BOD1L1: variants seen among roughly 807,000 people sequenced by gnomAD.
The protein encoded by BOD1L1 is biorientation of chromosomes in cell division 1 like 1.
Under a neutral mutation model 240.7 loss-of-function variants are expected in BOD1L1, and 86 were observed. That is an observed-to-expected ratio of 0.36 (90% CI 0.30 to 0.43). The LOEUF (loss-of-function observed/expected upper bound fraction) is 0.43. BOD1L1 is among the 20% of genes least tolerant of loss of function. BOD1L1 has a pLI of 1.00. For synonymous variants in BOD1L1, 1,268 were observed against 1,272.3 expected (o/e 1.00, Z 0.07); for missense variants, 3,554 against 3,643.5 (o/e 0.98, Z 0.63).
intron 19 of BOD1L1, 110 bp from the exon 20 acceptor site, chr4:13,581,317 A>G: frequency 1.4e-6 from 1 of 722,464 alleles, no homozygotes; most frequent in Middle Eastern, 4.0e-4. Flanking sequence ...AGAGACCTCA[A>G]ATCCTAGCTT....
intron 25 of BOD1L1, 118 bp from the exon 26 acceptor site, chr4:13,570,246 A>G: frequency 3.0e-6 from 2 of 666,910 alleles, no homozygotes; most frequent in Non-Finnish European, 4.7e-6. Context: ...AGAAAAACCC[A>G]GTAACATTTA....
intron 8 of BOD1L1, among the ~76,000 whole-genome samples, 174 bp from the exon 9 acceptor site, chr4:13,607,363 A>C (rs996628211): frequency 1.3e-5 from 2 of 152,134 alleles, no homozygotes; most frequent in Non-Finnish European, 2.9e-5. Flanking sequence ...GCAATCACGC[A>C]ATCTTGGCTT....
Position 13,601,602 on chromosome 4 carries a change from A to T in BOD1L1, c.5298T>A (p.Asp1766Glu). 1 of 1,613,958 alleles carries T rather than the reference A, an allele frequency of 6.2e-7. No homozygotes were observed. The highest frequency in any genetic ancestry group is 8.5e-7 in the Non-Finnish European group (1 of 1,179,896). The change falls in exon 10 of 26, where the codon GAT (aspartate) becomes GAA (glutamate). Residue 1766 changes from aspartate (D) to glutamate (E), a missense_variant. By Grantham distance (45) the Asp-to-Glu change is conservative. Around this residue, in one of 2 missense-constraint regions of BOD1L1, gnomAD observed 3,393 missense variants for 3,427.1 expected, o/e 0.99. Coordinates refer to ENST00000040738, the MANE Select transcript of BOD1L1 (RefSeq NM_148894.3). ...TGAGVVLGDN[D>E]APPGTSASQE... ...GGCTGGCACTTGTTCCTGGTGGTGC[A>T]TCATTATCTCCCAGGACAACACCTG...
Position 13,603,816 on chromosome 4 carries a change from A to T in BOD1L1, c.3084T>A (p.Ser1028Arg), listed in dbSNP as rs770401286. 3 of 1,613,246 alleles carry T rather than the reference A, an allele frequency of 1.9e-6. No homozygotes were observed. The highest frequency in any genetic ancestry group is 2.2e-5 in the East Asian group (1 of 44,882). The change falls in exon 10 of 26, where the codon AGT becomes AGA. Residue 1028 changes from serine (S) to arginine (R), a missense_variant. By Grantham distance (110) the Ser-to-Arg change is moderately radical. This residue lies in a region of BOD1L1 where 3,393 missense variants were observed against 3,427.1 expected (regional missense o/e 0.99). Coordinates refer to ENST00000040738, the MANE Select transcript of BOD1L1 (RefSeq NM_148894.3). ...CGTCCTTCTTTTTTATGTCTTTACTACTATGCTTTAAGCTTCTGCTTTTGT... is the reference window on the plus strand; with the variant it reads ...CGTCCTTCTTTTTTATGTCTTTACTTCTATGCTTTAAGCTTCTGCTTTTGT... ...DGHKSRSLKH[S>R]SKDIKKKDEN...
chr4:13,573,554 C>T (rs369496210), intron 25 of BOD1L1, among the ~76,000 whole-genome samples: 48 of 151,906 alleles, frequency 3.2e-4, no homozygotes, highest in Non-Finnish European at 5.3e-4. Context: ...GAAAGAGCCT[C>T]GCTCTGTCAC....
chr4:13,601,366 G>A lies in BOD1L1; in HGVS notation c.5534C>T (p.Ala1845Val), dbSNP rs545261343. ...GCCTTCATCATCACAAGGACCAGCA[G>A]CAACTAATGGTACATTAGTGCCTTC... ...AKEGTNVPLV[A>V]AGPCDDEGIV... Residue 1845 changes from alanine (A) to valine (V), a missense_variant, in exon 10 of 26, where the codon GCT becomes GTT. By Grantham distance (64) the Ala-to-Val change is moderately conservative. Around this residue, in one of 2 missense-constraint regions of BOD1L1, gnomAD observed 3,393 missense variants for 3,427.1 expected, o/e 0.99. Coordinates refer to ENST00000040738, the MANE Select transcript of BOD1L1 (RefSeq NM_148894.3). 1.7e-5 allele frequency: 27 copies of A among 1,614,026 alleles called. No individual in the cohort carries two copies. The East Asian group carries it at 5.6e-4, about 33-fold the overall frequency.
chr4:13,579,836 G>C (rs1713079683), intron 22 of BOD1L1, 92 bp downstream of exon 22: 1 of 1,009,692 alleles, frequency 9.9e-7, no homozygotes, highest in African/African-American at 1.6e-5. Flanking sequence ...ACTTCAATGA[G>C]AGGCAGAATG....
At chr4:13,611,134 T>C in intron 5 of BOD1L1, 34 bp from the exon 6 acceptor site, 2 of 1,482,910 alleles carry the variant, frequency 1.3e-6, no homozygotes, top group Non-Finnish European at 1.8e-6. Context: ...GGAGTATGTC[T>C]GTGAATTAGC....
At position 13,599,019 on chromosome 4, in the gene BOD1L1, G is replaced by A; in HGVS notation, c.7881C>T (p.Ser2627=). 6.2e-7 allele frequency: 1 copy of A among 1,613,878 alleles called. No homozygotes were observed. Among genetic ancestry groups the A allele is most frequent in the South Asian group, 1.1e-5 (1 of 91,076 alleles). Residue 2627 remains serine (S), a synonymous_variant, in exon 10 of 26, where the codon AGC becomes AGT. Coordinates refer to ENST00000040738, the MANE Select transcript of BOD1L1 (RefSeq NM_148894.3). ...CTTCCTCAGGGAATGATTTCCTTGT[G>A]CTGTTATCATCTCCTGTTTTCTCAG... The part of the protein sequence containing the change: ...ASAEKTGDDN[S]TRKSFPEEGD...
chr4:13,580,020 A>G (rs1713097109), intron 21 of BOD1L1, 47 bp from the exon 22 acceptor site: 3 of 1,333,452 alleles, frequency 2.2e-6, no homozygotes, highest in Non-Finnish European at 3.2e-6. Flanking sequence ...TCAGCAGTTT[A>G]TAATCATCAC....
Position 13,576,955 on chromosome 4 carries a change from A to G in BOD1L1, c.8921T>C (p.Val2974Ala), listed in dbSNP as rs1231703363. The G allele has an allele frequency of 6.2e-7, 1 of 1,613,816 alleles. No individual in the cohort carries two copies. The highest frequency in any genetic ancestry group is 8.5e-7 in the Non-Finnish European group (1 of 1,179,882). ...TTTCTTGTCCTCCACTGGATCAGAA[A>G]CTGATTTCTGGCGTTTTCTTTCTGG... ...SEPERKRQKS[V>A]SDPVEDKKEQ... The change falls in exon 25 of 26, where the codon GTT (valine) becomes GCT (alanine). Residue 2974 changes from valine (V) to alanine (A), a missense_variant. By Grantham distance (64) the Val-to-Ala change is moderately conservative (BLOSUM62 0). Around this residue, in one of 2 missense-constraint regions of BOD1L1, gnomAD observed 3,393 missense variants for 3,427.1 expected, o/e 0.99. Transcript: ENST00000040738.
At position 13,584,428 on chromosome 4, in the gene BOD1L1, GAA is replaced by G. The variant is rs1334690250; in HGVS notation, c.8434-1694_8434-1693del. ...CATGTGTGCGTGTGTGGCGGGGAGA[GAA>G]AGAGAGAGAGAGTGTGTGTGTGTGT... On this transcript the variant is annotated intron_variant, in intron 17 of 25. Transcript: ENST00000040738. 2.0e-4 allele frequency among the ~76,000 whole-genome samples: 26 copies of G among 133,006 alleles called. No individual in the cohort carries two copies. The South Asian group carries it at 4.5e-3, about 23-fold the overall frequency. The allele number at this position is 133,006 out of a possible 152,430, so 87.3% of individuals were successfully genotyped here. A position where few individuals can be genotyped will look rare whatever the true frequency, so the allele number is the denominator to read the frequency against.
chr4:13,568,810 CTTACAT>C lies in BOD1L1; in HGVS notation c.*1195_*1200del, dbSNP rs1439200570. 1 of 151,604 alleles carries C rather than the reference CTTACAT, an allele frequency of 6.6e-6. No homozygotes were observed. The highest frequency in any genetic ancestry group is 1.5e-5 in the Non-Finnish European group (1 of 67,870). 9.4% of individuals were successfully genotyped at this position (151,604 alleles called of 1,614,324 possible). On this transcript the variant is annotated 3_prime_UTR_variant, in exon 26 of 26. Coordinates refer to ENST00000040738, the MANE Select transcript of BOD1L1 (RefSeq NM_148894.3). ...CATGTAAAATGACAGAAATATCCAC[CTTACAT>C]TAAGAGTCAAAATAAAAAAAAAAAC...
At chr4:13,587,267 A>C (rs1219991628) in intron 16 of BOD1L1, among the ~76,000 whole-genome samples, 1 of 152,180 alleles carries the variant, frequency 6.6e-6, no homozygotes, top group Non-Finnish European at 1.5e-5. Context: ...AATGTACAAG[A>C]CTTCTATCAC....
intron 14 of BOD1L1, 65 bp from the exon 15 acceptor site, chr4:13,588,857 GGT>G: frequency 8.1e-7 from 1 of 1,231,916 alleles, no homozygotes; most frequent in Non-Finnish European, 1.1e-6. Flanking sequence ...TACTTACTTA[GGT>G]ATGTGTTAGG....
At position 13,611,394 on chromosome 4, in the gene BOD1L1, A is replaced by G. The variant is rs188283344; in HGVS notation, c.1325-294T>C. On this transcript the variant is annotated intron_variant, in intron 5 of 25. Coordinates refer to ENST00000040738, the MANE Select transcript of BOD1L1 (RefSeq NM_148894.3). Reference sequence around the variant, plus strand: ...AGTTTTCTGGAGCAAAGAATGATTCATGACTCAGGCGTTGGAACCAGGAGA... The same window carrying G: ...AGTTTTCTGGAGCAAAGAATGATTCGTGACTCAGGCGTTGGAACCAGGAGA... Among the ~76,000 whole-genome samples the G allele has an allele frequency of 4.6e-5, 7 of 152,340 alleles. No individual in the cohort carries two copies. The East Asian group carries it at 1.3e-3, about 29-fold the overall frequency.
In BOD1L1 at chr4:13,603,642, T is replaced by C; in HGVS notation, c.3258A>G (p.Glu1086=). The C allele has an allele frequency of 6.2e-7, 1 of 1,613,918 alleles. No homozygotes were observed. The highest frequency in any genetic ancestry group is 1.1e-5 in the South Asian group (1 of 91,062). The change falls in exon 10 of 26, where the codon GAA becomes GAG. Residue 1086 remains glutamate (E), a synonymous_variant. Transcript: ENST00000040738. ...GSLSQEMAKG[E]EKLAANTLST... ...TCAAAGTGTTTGCTGCTAATTTTTC[T>C]TCTCCTTTGGCCATTTCTTGTGACA...
rs771380919 is a variant in BOD1L1 at position 13,601,938 on chromosome 4, T to C, written c.4962A>G (p.Val1654=). 4 of 1,614,002 alleles carry C rather than the reference T, an allele frequency of 2.5e-6. No individual in the cohort carries two copies. The South Asian group carries it at 3.3e-5, about 13-fold the overall frequency. ...SVVTEEKDDA[V]TSAGSEEKCD... ...ATTTTTCTTCAGAGCCTGCACTGGTTACAGCATCATCCTTTTCCTCTGTCA... is the reference window on the plus strand; with the variant it reads ...ATTTTTCTTCAGAGCCTGCACTGGTCACAGCATCATCCTTTTCCTCTGTCA... The change falls in exon 10 of 26, where the codon GTA becomes GTG. Residue 1654 remains valine, a synonymous_variant. Coordinates refer to ENST00000040738, the MANE Select transcript of BOD1L1 (RefSeq NM_148894.3).
intron 1 of BOD1L1, 124 bp from the exon 2 acceptor site, chr4:13,620,191 A>G: frequency 1.0e-6 from 1 of 979,546 alleles, no homozygotes; most frequent in Non-Finnish European, 1.5e-6. Flanking sequence ...GCTTCAAGAT[A>G]ACTTACACTC....
Sources: gnomAD v4.1 joint callset for allele counts (sites outside exome capture counted in the v4.1 genomes callset) on GRCh38, gnomAD v4.1.1 for gene constraint, gnomAD v4.1.1 regional missense constraint, MANE v1.5 for transcripts, NCBI Gene and HGNC (gene_info 2026-07-23, HGNC 2026-07-21) for gene names.